The following NLGN4X variants were observed in gnomAD, a reference collection of about 807,000 sequenced individuals.
The protein encoded by NLGN4X is neuroligin-4, X-linked.
NLGN4X carries 3 observed loss-of-function variants against 40.3 expected under a neutral mutation model. That is an observed-to-expected ratio of 0.07 (90% confidence interval 0.03 to 0.19). NLGN4X has a LOEUF of 0.19. Ranked by LOEUF, NLGN4X falls within the 10% of genes least tolerant of loss-of-function variation. The pLI is 1.00. For missense variants in NLGN4X, 382 were observed against 708.3 expected (o/e 0.54, Z 5.23); for synonymous variants, 270 against 306.8 (o/e 0.88, Z 1.25).
chrX:6,179,114 G>GGAAGGAAGGAAGGAAGGAAGGAAGGAAA (rs1569284121), intron 1 of NLGN4X, among the ~76,000 whole-genome samples: 4 of 105,969 alleles, frequency 3.8e-5, no homozygotes, highest in African/African-American at 1.4e-4. Flanking sequence ...AAGGAAGGAA[G>GGAAGGAAGGAAGGAAGGAAGGAAGGAAA]GAAGGAAGGA....
intron 1 of NLGN4X, among the ~76,000 whole-genome samples, chrX:6,197,211 G>A (rs974091329): frequency 9.0e-6 from 1 of 110,705 alleles, no homozygotes; most frequent in Non-Finnish European, 1.9e-5. Flanking sequence ...ATTACAGAAG[G>A]CCACAAGACA....
rs372473750 is a variant in NLGN4X at position 6,167,027 on chromosome X, G to A, written c.-305-15256C>T. On this transcript the variant is annotated intron_variant, in intron 1 of 5. Coordinates refer to ENST00000381095, the MANE Select transcript of NLGN4X (RefSeq NM_181332.3). ...GGGGAGGTTGGTGTGAGCCATGATC[G>A]CACCACTACACTTCAGCCCGGGTGA... Among the ~76,000 whole-genome samples, 9 of 96,667 alleles carry A rather than the reference G, an allele frequency of 9.3e-5. No individual in the cohort carries two copies. The East Asian group carries it at 2.5e-3, about 27-fold the overall frequency. The allele number at this position is 96,667 out of a possible 115,157, so 83.9% of individuals were successfully genotyped here.
At chrX:6,172,842 CTT>C (rs2147779342) in intron 1 of NLGN4X, among the ~76,000 whole-genome samples, 1 of 112,078 alleles carries the variant, frequency 8.9e-6, no homozygotes, top group African/African-American at 3.2e-5. Context: ...TTATGGAATA[CTT>C]TTCTCTGCCA....
intron 4 of NLGN4X, among the ~76,000 whole-genome samples, chrX:5,904,277 C>T (rs1331374555): frequency 9.0e-6 from 1 of 111,658 alleles, no homozygotes; most frequent in Non-Finnish European, 1.9e-5. Flanking sequence ...AAGCTAGTAC[C>T]AGTTCAAAGG....
At chrX:6,092,966 G>A (rs2038677513) in intron 2 of NLGN4X, among the ~76,000 whole-genome samples, 1 of 110,913 alleles carries the variant, frequency 9.0e-6, no homozygotes, top group Admixed American at 9.6e-5. Flanking sequence ...AGAAGTGTCA[G>A]TATTTGAAAG....
At chrX:6,049,160 G>T (rs2037405660) in intron 2 of NLGN4X, among the ~76,000 whole-genome samples, 1 of 88,334 alleles carries the variant, frequency 1.1e-5, no homozygotes, top group Non-Finnish European at 2.2e-5. Flanking sequence ...TAAAGTGAAA[G>T]GCTGGCAGAA....
At chrX:5,896,982 A>G (rs1325462942) in intron 5 of NLGN4X, among the ~76,000 whole-genome samples, 1 of 111,777 alleles carries the variant, frequency 8.9e-6, no homozygotes, top group Non-Finnish European at 1.9e-5. Context: ...ATTTAACAAT[A>G]GTTGAACGTA....
intron 2 of NLGN4X, among the ~76,000 whole-genome samples, chrX:6,100,151 G>A (rs914190765): frequency 5.3e-5 from 6 of 112,682 alleles, no homozygotes; most frequent in African/African-American, 1.9e-4. Flanking sequence ...TGTCCTTAAG[G>A]CACAGATCGC....
intron 2 of NLGN4X, among the ~76,000 whole-genome samples, chrX:6,127,967 G>C (rs773956137): frequency 1.2e-5 from 1 of 86,714 alleles, no homozygotes; most frequent in Admixed American, 1.2e-4. Context: ...CAAAATGGTT[G>C]AGTTTGCTTT....
chrX:5,997,637 C>T (rs866086265), intron 3 of NLGN4X, among the ~76,000 whole-genome samples: 1 of 22,648 alleles, frequency 4.4e-5, no homozygotes, highest in Non-Finnish European at 7.1e-5. Context: ...TATATACACA[C>T]GTATATATAT....
At chrX:6,125,588 A>G (rs748410691) in intron 2 of NLGN4X, among the ~76,000 whole-genome samples, 161 of 111,491 alleles carry the variant, frequency 1.4e-3, no homozygotes, top group African/African-American at 5.1e-3. Context: ...TTAAAAAAAG[A>G]AATTGAAATA....
intron 2 of NLGN4X, among the ~76,000 whole-genome samples, chrX:6,116,897 A>C (rs765265383): frequency 3.6e-5 from 4 of 111,159 alleles, no homozygotes; most frequent in Non-Finnish European, 7.5e-5. Context: ...AACATACTTC[A>C]TTTTTCTCTT....
intron 4 of NLGN4X, 38 bp from the exon 5 acceptor site, chrX:5,903,904 C>T (rs9785631): frequency 8.3e-7 from 1 of 1,201,256 alleles, no homozygotes; most frequent in Non-Finnish European, 1.1e-6. Flanking sequence ...AATGAAAACC[C>T]ACAGGACAGA....
intron 2 of NLGN4X, among the ~76,000 whole-genome samples, chrX:6,134,855 C>T (rs1243447262): frequency 8.9e-6 from 1 of 112,470 alleles, no homozygotes; most frequent in African/African-American, 3.2e-5. Flanking sequence ...AGAAGGACCT[C>T]CTTTGCTTTT....
chrX:6,088,133 G>A lies in NLGN4X; in HGVS notation c.473-58701C>T, dbSNP rs1210713830. ...AAAAGGCGGAAAATGGTACCCTTTG[G>A]AAATTGGCCAAAAATGTCAACGAAA... is the stretch of plus-strand genomic sequence containing the variant. On this transcript the variant is annotated intron_variant, in intron 2 of 5. Coordinates refer to ENST00000381095, the MANE Select transcript of NLGN4X (RefSeq NM_181332.3). Among the ~76,000 whole-genome samples the A allele has an allele frequency of 1.3e-4, 15 of 112,541 alleles. No individual in the cohort carries two copies. In the Admixed American group the frequency reaches 1.4e-3, roughly 11 times the overall value.
At chrX:5,936,265 T>C (rs911893858) in intron 3 of NLGN4X, among the ~76,000 whole-genome samples, 2 of 111,697 alleles carry the variant, frequency 1.8e-5, no homozygotes, top group African/African-American at 6.5e-5. Context: ...ATTACTAACC[T>C]TAAAATTTCT....
At chrX:6,190,633 A>G (rs1005000444) in intron 1 of NLGN4X, among the ~76,000 whole-genome samples, 5 of 111,692 alleles carry the variant, frequency 4.5e-5, no homozygotes, top group African/African-American at 1.3e-4. Context: ...TTCTACCCAT[A>G]TCTTTTCCTT....
At chrX:5,994,382 C>T (rs4132789) in intron 3 of NLGN4X, among the ~76,000 whole-genome samples, 18,715 of 111,084 alleles carry the variant, frequency 0.17, 1,181 homozygotes, top group East Asian at 0.27. Flanking sequence ...CCTAATGAGA[C>T]ATTTTACACC....
chrX:6,130,803 T>G (rs1017736150), intron 2 of NLGN4X, among the ~76,000 whole-genome samples: 3 of 112,112 alleles, frequency 2.7e-5, no homozygotes, highest in African/African-American at 9.7e-5. Flanking sequence ...AATCCCATGG[T>G]AATGAGCACG....
Sources: allele counts gnomAD v4.1 joint callset (sites outside exome capture counted in the v4.1 genomes callset), GRCh38; gene constraint gnomAD v4.1.1; transcripts MANE v1.5; gene names NCBI Gene and HGNC (gene_info 2026-07-23, HGNC 2026-07-21).